CHRM5: variants seen among roughly 807,000 people sequenced by gnomAD.
The protein encoded by CHRM5 is muscarinic acetylcholine receptor M5.
A neutral mutation model predicts 39.0 loss-of-function variants in CHRM5; 18 were observed. The observed-to-expected ratio is 0.46, with a 90% CI of 0.32 to 0.68. The LOEUF (loss-of-function observed/expected upper bound fraction) is 0.68. Ranked by LOEUF, CHRM5 falls within the 30% of genes least tolerant of loss-of-function variation. The pLI, the probability that CHRM5 is intolerant of heterozygous loss-of-function variation, is 0.04. For synonymous variants in CHRM5, 241 were observed against 246.3 expected (o/e 0.98, Z 0.20); for missense variants, 515 against 651.1 (o/e 0.79, Z 2.28).
chr15:33,974,627 T>G (rs1415741216), intron 1 of CHRM5, among the ~76,000 whole-genome samples: 1 of 152,204 alleles, frequency 6.6e-6, no homozygotes, highest in Non-Finnish European at 1.5e-5. Context: ...ATAATGCATG[T>G]GTACGTCCTC....
At chr15:33,987,552 C>T (rs571405238) in intron 1 of CHRM5, among the ~76,000 whole-genome samples, 1 of 152,290 alleles carries the variant, frequency 6.6e-6, no homozygotes, top group Non-Finnish European at 1.5e-5. Context: ...TGCCCATCCC[C>T]TTCTTCTCAG....
chr15:34,030,563 T>C (rs1898737886), intron 1 of CHRM5, among the ~76,000 whole-genome samples: 1 of 151,968 alleles, frequency 6.6e-6, no homozygotes, highest in Non-Finnish European at 1.5e-5. Flanking sequence ...AGGCTGACCT[T>C]GTGATCCACC....
intron 1 of CHRM5, among the ~76,000 whole-genome samples, chr15:34,021,408 C>A (rs1898194475): frequency 6.6e-6 from 1 of 151,930 alleles, no homozygotes; most frequent in African/African-American, 2.4e-5. Context: ...GCCTCAGCCT[C>A]CTGAGTAGCT....
intron 1 of CHRM5, among the ~76,000 whole-genome samples, chr15:34,030,070 A>G (rs572301106): frequency 5.3e-5 from 8 of 152,146 alleles, no homozygotes; most frequent in South Asian, 4.2e-4. Context: ...CCTGGCCAAC[A>G]TGGTGCGACC....
At chr15:33,981,703 G>C (rs10519899) in intron 1 of CHRM5, among the ~76,000 whole-genome samples, 24,905 of 152,110 alleles carry the variant, frequency 0.16, 2,388 homozygotes, top group African/African-American at 0.25. Flanking sequence ...TGTGATCCTT[G>C]TTACCTAACT....
chr15:33,982,110 A>G (rs12438682), intron 1 of CHRM5, among the ~76,000 whole-genome samples: 39,855 of 150,972 alleles, frequency 0.26, 7,240 homozygotes, highest in African/African-American at 0.5. Flanking sequence ...CAGATGATCC[A>G]CCCGCCTCAG....
chr15:33,978,949 G>A (rs1168193738), intron 1 of CHRM5, among the ~76,000 whole-genome samples: 3 of 152,086 alleles, frequency 2.0e-5, no homozygotes, highest in East Asian at 3.9e-4. Flanking sequence ...TAAGGAGTAG[G>A]GGTAGCAGAA....
chr15:34,058,315 C>T (rs1371026405), intron 2 of CHRM5, among the ~76,000 whole-genome samples: 1 of 152,102 alleles, frequency 6.6e-6, no homozygotes, highest in East Asian at 1.9e-4. Flanking sequence ...AACCATCACA[C>T]TATTGATAAA....
chr15:34,060,067 G>A (rs1255386181), intron 2 of CHRM5, among the ~76,000 whole-genome samples: 5 of 152,170 alleles, frequency 3.3e-5, no homozygotes, highest in Non-Finnish European at 7.4e-5. Context: ...CTGACCATTG[G>A]AAGATAATCT....
intron 2 of CHRM5, among the ~76,000 whole-genome samples, chr15:34,058,518 A>G (rs1411887083): frequency 6.6e-6 from 1 of 151,132 alleles, no homozygotes; most frequent in Non-Finnish European, 1.5e-5. Flanking sequence ...TAAATCTTCA[A>G]TCAGCATAAT....
chr15:34,062,620 TA>T, intron 2 of CHRM5, 22 bp from the exon 3 acceptor site: 1 of 1,047,466 alleles, frequency 9.5e-7, no homozygotes, highest in Non-Finnish European at 1.4e-6. Flanking sequence ...TGTGCGAAGC[TA>T]ATGTGTTTCC....
At chr15:33,999,106 A>G (rs1897046550) in intron 1 of CHRM5, among the ~76,000 whole-genome samples, 1 of 152,206 alleles carries the variant, frequency 6.6e-6, no homozygotes, top group African/African-American at 2.4e-5. Context: ...AGGTTGACCA[A>G]TATGGATTAC....
chr15:34,028,304 C>T (rs937764055), intron 1 of CHRM5, among the ~76,000 whole-genome samples: 1 of 152,312 alleles, frequency 6.6e-6, no homozygotes, highest in African/African-American at 2.4e-5. Flanking sequence ...GTGGCTCACA[C>T]CTGTAGTCCC....
At chr15:34,014,361 TC>T (rs1897773976) in intron 1 of CHRM5, among the ~76,000 whole-genome samples, 1 of 87,874 alleles carries the variant, frequency 1.1e-5, no homozygotes, top group African/African-American at 5.2e-5. Flanking sequence ...CGAAACTCCA[TC>T]TCATTAAAAA....
At chr15:33,983,563 C>T (rs1172175745) in intron 1 of CHRM5, among the ~76,000 whole-genome samples, 2 of 151,970 alleles carry the variant, frequency 1.3e-5, no homozygotes, top group Non-Finnish European at 2.9e-5. Flanking sequence ...GAACTAGTTC[C>T]CCTGAACTTT....
At chr15:33,998,351 C>T (rs1378975148) in intron 1 of CHRM5, among the ~76,000 whole-genome samples, 1 of 152,110 alleles carries the variant, frequency 6.6e-6, no homozygotes, top group Non-Finnish European at 1.5e-5. Flanking sequence ...ACTGGCCAAG[C>T]ATAGTGGCTG....
At chr15:33,999,641 C>T (rs142288778) in intron 1 of CHRM5, among the ~76,000 whole-genome samples, 19 of 152,282 alleles carry the variant, frequency 1.2e-4, no homozygotes, top group East Asian at 1.9e-4. Context: ...CTTCTCTCTA[C>T]GTAGATCTAA....
intron 1 of CHRM5, among the ~76,000 whole-genome samples, chr15:34,015,144 C>T (rs1567467918): frequency 6.6e-6 from 1 of 152,138 alleles, no homozygotes; most frequent in Non-Finnish European, 1.5e-5. Context: ...CCATTCAAAG[C>T]TGTTATCATA....
chr15:34,047,209 C>T (rs1473745300), intron 2 of CHRM5, among the ~76,000 whole-genome samples: 1 of 152,030 alleles, frequency 6.6e-6, no homozygotes, highest in Non-Finnish European at 1.5e-5. Flanking sequence ...TCCCGAGTAG[C>T]TGGGACTACA....
Sources: allele counts gnomAD v4.1 joint callset (sites outside exome capture counted in the v4.1 genomes callset), GRCh38; gene constraint gnomAD v4.1.1; transcripts MANE v1.5; gene names NCBI Gene and HGNC (gene_info 2026-07-23, HGNC 2026-07-21).